ADGRL2: variants seen among roughly 807,000 people sequenced by gnomAD.
ADGRL2 encodes the protein adhesion G protein-coupled receptor L2.
A neutral mutation model predicts 157.4 loss-of-function variants in ADGRL2; 44 were observed. The observed-to-expected ratio is 0.28, with a 90% CI of 0.22 to 0.36. The LOEUF (loss-of-function observed/expected upper bound fraction) is 0.36. ADGRL2 is among the 10% of genes least tolerant of loss of function. ADGRL2 has a pLI of 1.00. For synonymous variants in ADGRL2, 585 were observed against 624.7 expected (o/e 0.94, Z 0.95); for missense variants, 1,510 against 1,768.9 (o/e 0.85, Z 2.63).
chr1:81,762,619 GA>G (rs979395851), intron 2 of ADGRL2, among the ~76,000 whole-genome samples: 12 of 151,600 alleles, frequency 7.9e-5, no homozygotes, highest in Non-Finnish European at 1.6e-4. Flanking sequence ...TCTCATTGTA[GA>G]AAAAAAAGTC....
At chr1:81,841,227 A>G (rs1015940982) in intron 2 of ADGRL2, among the ~76,000 whole-genome samples, 3 of 152,208 alleles carry the variant, frequency 2.0e-5, no homozygotes, top group African/African-American at 7.2e-5. Flanking sequence ...TCTGCCAGGT[A>G]TAAATATGAG....
chr1:81,319,601 G>A (rs568775249), intron 1 of ADGRL2, among the ~76,000 whole-genome samples: 3 of 152,258 alleles, frequency 2.0e-5, no homozygotes, highest in Admixed American at 6.5e-5. Flanking sequence ...TTTCTGAATG[G>A]AACTGGAATT....
At chr1:81,982,069 C>A in intron 19 of ADGRL2, 93 bp downstream of exon 19, 1 of 1,028,972 alleles carries the variant, frequency 9.7e-7, no homozygotes, top group Non-Finnish European at 1.4e-6. Flanking sequence ...TCACATCTGG[C>A]ATATTGTTAA....
chr1:81,419,816 A>T (rs1220791246), intron 1 of ADGRL2, among the ~76,000 whole-genome samples: 1 of 152,240 alleles, frequency 6.6e-6, no homozygotes, highest in East Asian at 1.9e-4. Flanking sequence ...TAGTCCATCT[A>T]ATCCCATCAG....
At chr1:81,884,938 G>T (rs1021805784) in intron 2 of ADGRL2, among the ~76,000 whole-genome samples, 3 of 152,096 alleles carry the variant, frequency 2.0e-5, no homozygotes, top group African/African-American at 7.2e-5. Context: ...ATGGCAAAAT[G>T]AACTGAAGGA....
intron 3 of ADGRL2, among the ~76,000 whole-genome samples, chr1:81,613,376 G>A (rs970605457): frequency 2.0e-5 from 3 of 152,206 alleles, no homozygotes; most frequent in African/African-American, 7.2e-5. Context: ...ACTCAGGAGT[G>A]GGATGTTTCT....
At chr1:81,366,459 C>A (rs1344732762) in intron 1 of ADGRL2, among the ~76,000 whole-genome samples, 2 of 152,084 alleles carry the variant, frequency 1.3e-5, no homozygotes, top group African/African-American at 4.8e-5. Flanking sequence ...TAAAATTAAA[C>A]ACAGAACTTA....
chr1:81,987,471 T>C (rs1663512458), intron 22 of ADGRL2: 6 of 764,318 alleles, frequency 7.9e-6, no homozygotes, highest in Non-Finnish European at 1.5e-5. Flanking sequence ...AGCCTATCAA[T>C]ATATCCAAAC....
At chr1:81,893,307 A>ATTTTTTTTTTTTTTT (rs2094309485) in intron 2 of ADGRL2, among the ~76,000 whole-genome samples, 1 of 150,720 alleles carries the variant, frequency 6.6e-6, no homozygotes, top group Non-Finnish European at 1.5e-5. Context: ...TTTGTGACTT[A>ATTTTTTTTTTTTTTT]TCAATCCTGT....
intron 2 of ADGRL2, among the ~76,000 whole-genome samples, chr1:81,787,065 CT>C (rs61258056): frequency 0.1 from 15,724 of 152,016 alleles, 1,384 homozygotes; most frequent in East Asian, 0.53. Context: ...GGGGTTTCTG[CT>C]TTTGAATCTT....
intron 2 of ADGRL2, among the ~76,000 whole-genome samples, chr1:81,529,670 G>A (rs192121750): frequency 3.3e-5 from 5 of 152,200 alleles, no homozygotes; most frequent in Admixed American, 6.5e-5. Context: ...CTATAGATGC[G>A]GACCCCATGG....
At chr1:81,904,994 G>A (rs890257614) in intron 2 of ADGRL2, among the ~76,000 whole-genome samples, 6 of 152,054 alleles carry the variant, frequency 3.9e-5, no homozygotes, top group Admixed American at 2.0e-4. Flanking sequence ...AGCCATATTC[G>A]AACGATAGCA....
intron 2 of ADGRL2, among the ~76,000 whole-genome samples, chr1:81,491,241 A>T (rs902396494): frequency 6.6e-6 from 1 of 152,204 alleles, no homozygotes; most frequent in African/African-American, 2.4e-5. Flanking sequence ...ATAAAGCTCT[A>T]AAACAAGCTA....
At chr1:81,602,031 A>G (rs771437609) in intron 3 of ADGRL2, among the ~76,000 whole-genome samples, 4 of 152,196 alleles carry the variant, frequency 2.6e-5, no homozygotes, top group Non-Finnish European at 5.9e-5. Flanking sequence ...TTTAATTCCA[A>G]TCTACAAGCT....
chr1:81,426,514 C>T (rs913031197), intron 1 of ADGRL2: 31 of 407,816 alleles, frequency 7.6e-5, no homozygotes, highest in African/African-American at 1.5e-4. Flanking sequence ...TGACCGTCAC[C>T]GCCGGGAGCA....
At chr1:81,448,133 CTTTCTTT>C (rs2077633642) in intron 2 of ADGRL2, among the ~76,000 whole-genome samples, 1 of 131,030 alleles carries the variant, frequency 7.6e-6, no homozygotes, top group African/African-American at 2.8e-5. Flanking sequence ...CTTTTTCTTT[CTTTCTTT>C]TTTTTTTTTT....
At chr1:81,428,865 A>T (rs1450295907) in intron 1 of ADGRL2, among the ~76,000 whole-genome samples, 2 of 152,098 alleles carry the variant, frequency 1.3e-5, no homozygotes, top group East Asian at 3.9e-4. Flanking sequence ...GAAAGGGGAG[A>T]GAGAGGGACA....
intron 1 of ADGRL2, among the ~76,000 whole-genome samples, chr1:81,379,078 C>T (rs928021146): frequency 3.9e-5 from 6 of 152,166 alleles, no homozygotes; most frequent in African/African-American, 4.8e-5. Flanking sequence ...CTAGGCTCCT[C>T]ATTCTCTACC....
intron 1 of ADGRL2, among the ~76,000 whole-genome samples, chr1:81,339,113 T>G (rs1661868932): frequency 6.6e-6 from 1 of 152,210 alleles, no homozygotes; most frequent in African/African-American, 2.4e-5. Context: ...AATATGTATC[T>G]GTATAACTAA....
Sources: allele counts gnomAD v4.1 joint callset (sites outside exome capture counted in the v4.1 genomes callset), GRCh38; gene constraint gnomAD v4.1.1; transcripts MANE v1.5; gene names NCBI Gene and HGNC (gene_info 2026-07-23, HGNC 2026-07-21).